Variants in VAC14 observed in about 807,000 individuals in gnomAD.
VAC14 encodes protein VAC14 homolog.
VAC14 carries 47 observed loss-of-function variants against 85.3 expected under a neutral mutation model. The observed-to-expected ratio is 0.55, with a 90% CI of 0.44 to 0.70. VAC14 has a LOEUF of 0.70. VAC14 is among the 30% of genes least tolerant of loss of function. VAC14 has a pLI of 0.00. For synonymous variants in VAC14, 447 were observed against 430.5 expected, an observed-to-expected ratio of 1.04 and a Z score of -0.47; for missense variants, 861 against 1,004.3, an observed-to-expected ratio of 0.86 and a Z score of 1.93.
intron 14 of VAC14, among the ~76,000 whole-genome samples, chr16:70,725,541 T>C (rs2054403405): frequency 6.7e-6 from 1 of 149,570 alleles, no homozygotes; most frequent in Non-Finnish European, 1.5e-5. Flanking sequence ...CTCCACCTAT[T>C]CCCCCTCTTC....
intron 14 of VAC14, chr16:70,699,518 G>A (rs551635276): frequency 6.6e-5 from 10 of 152,288 alleles, no homozygotes; most frequent in South Asian, 6.2e-4. Context: ...GTTAAGAGTC[G>A]TTCAGGGCTA....
At chr16:70,786,176 C>A in intron 2 of VAC14, 39 bp downstream of exon 2, 1 of 1,606,080 alleles carries the variant, frequency 6.2e-7, no homozygotes, top group Non-Finnish European at 8.5e-7. Flanking sequence ...AGCGTCAAGG[C>A]CAGGACTGGT....
Position 70,789,501 on chromosome 16 carries a change from T to A in VAC14, c.105-3136A>T, listed in dbSNP as rs765577813. Reference sequence around the variant, plus strand: ...GGAGGTGCGCACACAGCTGCTCACATCTGGGGCATTGGTGGTTCAGTGGTA... The same window carrying A: ...GGAGGTGCGCACACAGCTGCTCACAACTGGGGCATTGGTGGTTCAGTGGTA... On this transcript the variant is annotated intron_variant, in intron 1 of 18. Coordinates refer to ENST00000261776, the MANE Select transcript of VAC14 (RefSeq NM_018052.5). Among the ~76,000 whole-genome samples, 3 of 152,186 alleles carry A rather than the reference T, an allele frequency of 2.0e-5. No homozygotes were observed. The South Asian group carries it at 6.2e-4, about 32-fold the overall frequency.
At chr16:70,765,978 A>T (rs576144571) in intron 10 of VAC14, among the ~76,000 whole-genome samples, 2 of 152,000 alleles carry the variant, frequency 1.3e-5, no homozygotes, top group African/African-American at 4.8e-5. Flanking sequence ...TGAAAAATTT[A>T]AAAAATTAGC....
intron 13 of VAC14, among the ~76,000 whole-genome samples, chr16:70,743,923 G>C (rs2030612162): frequency 6.6e-6 from 1 of 152,166 alleles, no homozygotes; most frequent in Non-Finnish European, 1.5e-5. Flanking sequence ...AGTGCTGGGG[G>C]TGCTACGGCC....
At chr16:70,739,457 C>T (rs2030037794) in intron 13 of VAC14, among the ~76,000 whole-genome samples, 1 of 152,206 alleles carries the variant, frequency 6.6e-6, no homozygotes, top group Admixed American at 6.5e-5. Flanking sequence ...AGGAGAGATG[C>T]CCCCATCACT....
chr16:70,698,340 G>C (rs2053755184), intron 15 of VAC14, among the ~76,000 whole-genome samples: 1 of 152,228 alleles, frequency 6.6e-6, no homozygotes, highest in Admixed American at 6.5e-5. Context: ...GGCAGTGCCT[G>C]GAGTGGGACT....
chr16:70,755,563 A>G (rs16970498), intron 12 of VAC14, among the ~76,000 whole-genome samples: 2,884 of 152,330 alleles, frequency 0.019, 90 homozygotes, highest in African/African-American at 0.064. Context: ...CGGGGTAACT[A>G]AGATCACTCC....
At chr16:70,789,794 C>T (rs917724320) in intron 1 of VAC14, among the ~76,000 whole-genome samples, 1 of 152,192 alleles carries the variant, frequency 6.6e-6, no homozygotes, top group African/African-American at 2.4e-5. Context: ...CCTAGGCCCG[C>T]TAAAGCAGCT....
chr16:70,774,891 G>A (rs2033442864), intron 9 of VAC14, among the ~76,000 whole-genome samples: 1 of 151,796 alleles, frequency 6.6e-6, no homozygotes, highest in African/African-American at 2.4e-5. Context: ...GATTACAGTG[G>A]CGCGCCACCA....
At chr16:70,692,165 G>T (rs2053609540) in intron 18 of VAC14, 1 of 892,092 alleles carries the variant, frequency 1.1e-6, no homozygotes, top group Non-Finnish European at 1.3e-6. Context: ...GCCAGCCGTG[G>T]GTTCAGGGTG....
chr16:70,691,170 T>C (rs2053588145), intron 18 of VAC14: 2 of 985,376 alleles, frequency 2.0e-6, no homozygotes, highest in Non-Finnish European at 1.2e-6. Context: ...TGTTCTACCC[T>C]GGTTTGAGGA....
chr16:70,784,643 C>A, intron 4 of VAC14, 133 bp downstream of exon 4: 1 of 884,558 alleles, frequency 1.1e-6, no homozygotes. Context: ...GAACTGCACA[C>A]CAGGGAGTAC....
chr16:70,720,633 G>C (rs546016876), intron 14 of VAC14, among the ~76,000 whole-genome samples: 2 of 152,338 alleles, frequency 1.3e-5, no homozygotes, highest in East Asian at 1.9e-4. Context: ...TATGCAAATA[G>C]CAAGCCTGGG....
intron 14 of VAC14, among the ~76,000 whole-genome samples, chr16:70,712,019 C>G (rs1248426188): frequency 6.6e-6 from 1 of 152,088 alleles, no homozygotes; most frequent in African/African-American, 2.4e-5. Flanking sequence ...TGGGAGGGGG[C>G]TCCTTCAGTT....
At chr16:70,764,407 GA>G (rs2032646257) in intron 10 of VAC14, among the ~76,000 whole-genome samples, 1 of 152,122 alleles carries the variant, frequency 6.6e-6, no homozygotes, top group African/African-American at 2.4e-5. Context: ...TGAGGATATC[GA>G]AACACTTAAA....
intron 14 of VAC14, among the ~76,000 whole-genome samples, chr16:70,721,820 C>G (rs574088750): frequency 6.6e-6 from 1 of 152,168 alleles, no homozygotes; most frequent in African/African-American, 2.4e-5. Context: ...TGGTGCCAGT[C>G]CTGGATAGCA....
At chr16:70,751,240 A>G (rs2031360366) in intron 12 of VAC14, among the ~76,000 whole-genome samples, 6 of 152,228 alleles carry the variant, frequency 3.9e-5, no homozygotes, top group Admixed American at 3.9e-4. Context: ...TTGTGTTGAC[A>G]GGAAATCCCC....
chr16:70,717,935 G>A (rs1394198531), intron 14 of VAC14, among the ~76,000 whole-genome samples: 2 of 152,320 alleles, frequency 1.3e-5, no homozygotes, highest in South Asian at 2.1e-4. Flanking sequence ...TTACTGGCAT[G>A]AGCCACCGCG....
Sources: gnomAD v4.1 joint callset for allele counts (sites outside exome capture counted in the v4.1 genomes callset) on GRCh38, gnomAD v4.1.1 for gene constraint, MANE v1.5 for transcripts, NCBI Gene and HGNC (gene_info 2026-07-23, HGNC 2026-07-21) for gene names.